Variants in KIAA1549 observed in about 807,000 individuals in gnomAD.
The protein encoded by KIAA1549 is KIAA1549, also known as UPF0606 protein KIAA1549.
A neutral mutation model predicts 156.4 loss-of-function variants in KIAA1549; 70 were observed. The ratio of observed to expected loss-of-function variants is 0.45; its 90% CI spans 0.37 to 0.55. The LOEUF is 0.55. Among genes scored for constraint, KIAA1549 ranks in the 20% least tolerant of loss-of-function variants. The probability of loss-of-function intolerance (pLI) is 0.00; values close to 1 mark genes in which losing one functional copy is unlikely to be tolerated. For synonymous variants in KIAA1549, 1,103 were observed against 1,066.4 expected, an observed-to-expected ratio of 1.03 and a Z score of -0.67; for missense variants, 2,428 against 2,540.9, an observed-to-expected ratio of 0.96 and a Z score of 0.96.
chr7:138,843,411 T>G (rs1809979092), intron 18 of KIAA1549, among the ~76,000 whole-genome samples: 1 of 152,218 alleles, frequency 6.6e-6, no homozygotes, highest in South Asian at 2.1e-4. Context: ...TACTTCTTGA[T>G]CGTGAGGTGC....
At chr7:138,935,346 T>A (rs572200982) in intron 1 of KIAA1549, among the ~76,000 whole-genome samples, 14 of 152,312 alleles carry the variant, frequency 9.2e-5, no homozygotes, top group Admixed American at 5.2e-4. Flanking sequence ...CCAAAAGATA[T>A]TCTGTTTTGC....
At chr7:138,901,164 C>CA (rs936556219) in intron 8 of KIAA1549, among the ~76,000 whole-genome samples, 1 of 151,914 alleles carries the variant, frequency 6.6e-6, no homozygotes, top group Admixed American at 6.6e-5. Flanking sequence ...AAAACACATG[C>CA]AAAAAATATA....
intron 8 of KIAA1549, among the ~76,000 whole-genome samples, chr7:138,900,766 C>T (rs1169610344): frequency 2.6e-5 from 4 of 152,238 alleles, no homozygotes; most frequent in Admixed American, 2.0e-4. Context: ...CCCTCTCTCT[C>T]GCTTCCTCTC....
chr7:138,916,716 C>A, intron 2 of KIAA1549, 32 bp downstream of exon 2: 1 of 1,609,834 alleles, frequency 6.2e-7, no homozygotes. Context: ...AGATTGCCCA[C>A]CCCAGAGAGG....
At chr7:138,964,331 C>T (rs1813949497) in intron 1 of KIAA1549, among the ~76,000 whole-genome samples, 1 of 152,186 alleles carries the variant, frequency 6.6e-6, no homozygotes, top group South Asian at 2.1e-4. Flanking sequence ...CAGAGGAGAC[C>T]GTGGCTGGGG....
At chr7:138,906,703 G>A (rs1812014354) in intron 6 of KIAA1549, among the ~76,000 whole-genome samples, 1 of 152,078 alleles carries the variant, frequency 6.6e-6, no homozygotes, top group Non-Finnish European at 1.5e-5. Flanking sequence ...GTGGAGCAGT[G>A]TATACTGCTC....
intron 15 of KIAA1549, among the ~76,000 whole-genome samples, chr7:138,864,665 G>C (rs1306911265): frequency 2.0e-5 from 3 of 152,144 alleles, no homozygotes; most frequent in Non-Finnish European, 2.9e-5. Flanking sequence ...TGTGGGTGTT[G>C]CAAGAGGGTG....
Position 138,981,382 on chromosome 7 carries a change from C to A in KIAA1549, c.-113G>T, listed in dbSNP as rs1298986164. 2 of 309,978 alleles carry A rather than the reference C, an allele frequency of 6.5e-6. No individual in the cohort carries two copies. Among genetic ancestry groups the A allele is most frequent in the East Asian group, 3.5e-4 (2 of 5,696 alleles). The allele number at this position is 309,978 out of a possible 1,614,324, so 19.2% of individuals were successfully genotyped here. On this transcript the variant is annotated 5_prime_UTR_variant, in exon 1 of 20. Coordinates refer to ENST00000422774, the MANE Select transcript of KIAA1549 (RefSeq NM_001164665.2). This position sits in a 1 kb window ranked among gnomAD's most constrained non-coding sequence, Gnocchi z 4.5. ...CGCCGCGCACCGGCGCGGAGGGAGG[C>A]CGGAGAGGCGGGGGCGGGCCGGGCC...
At chr7:138,862,538 C>T (rs1810617351) in intron 15 of KIAA1549, among the ~76,000 whole-genome samples, 2 of 151,338 alleles carry the variant, frequency 1.3e-5, no homozygotes, top group Non-Finnish European at 2.9e-5. Flanking sequence ...AAAAAAAAGC[C>T]TACGTATGTG....
At chr7:138,866,449 T>C (rs1200947902) in intron 15 of KIAA1549, among the ~76,000 whole-genome samples, 1 of 152,202 alleles carries the variant, frequency 6.6e-6, no homozygotes, top group Non-Finnish European at 1.5e-5. Flanking sequence ...AGCGATCACA[T>C]CCATCGCAAA....
chr7:138,838,614 T>C (rs1294771078), intron 19 of KIAA1549, among the ~76,000 whole-genome samples: 6 of 152,208 alleles, frequency 3.9e-5, no homozygotes, highest in Admixed American at 2.6e-4. Flanking sequence ...ATTTGCCGCA[T>C]AGAGATTAAT....
chr7:138,919,094 T>C lies in KIAA1549; in HGVS notation c.532A>G (p.Ile178Val). The C allele has an allele frequency of 1.2e-6, 2 of 1,614,040 alleles. No homozygotes were observed. Among genetic ancestry groups the C allele is most frequent in the East Asian group, 2.2e-5 (1 of 44,886 alleles). Reference protein sequence around the residue: ...TPRMVSPIQYITVSPPGLPRE... With the variant: ...TPRMVSPIQYVTVSPPGLPRE... Reference sequence around the variant, plus strand: ...GGCAGCCCTGGTGGGCTGACTGTGATATACTGTATTGGAGAAACCATCCGT... The same window carrying C: ...GGCAGCCCTGGTGGGCTGACTGTGACATACTGTATTGGAGAAACCATCCGT... Residue 178 changes from isoleucine to valine, a missense_variant, in exon 2 of 20, where the codon ATC becomes GTC. Coordinates refer to ENST00000422774, the MANE Select transcript of KIAA1549 (RefSeq NM_001164665.2).
chr7:138,846,771 A>G (rs2007056105), intron 17 of KIAA1549, among the ~76,000 whole-genome samples: 1 of 152,202 alleles, frequency 6.6e-6, no homozygotes, highest in Admixed American at 6.5e-5. Context: ...GAAAAAAAAG[A>G]TAATAGTCTG....
intron 12 of KIAA1549, among the ~76,000 whole-genome samples, chr7:138,876,084 CTCA>C (rs1458484161): frequency 6.6e-6 from 1 of 152,086 alleles, no homozygotes. Flanking sequence ...TCACATTTAT[CTCA>C]TCTTCATTGT....
At chr7:138,885,987 C>G (rs1256956942) in intron 10 of KIAA1549, among the ~76,000 whole-genome samples, 1 of 152,094 alleles carries the variant, frequency 6.6e-6, no homozygotes, top group East Asian at 1.9e-4. Context: ...GGACACCCAG[C>G]TGATAACTGC....
intron 16 of KIAA1549, among the ~76,000 whole-genome samples, chr7:138,853,800 G>A (rs557227501): frequency 9.3e-4 from 141 of 152,272 alleles, no homozygotes; most frequent in Non-Finnish European, 1.9e-3. Flanking sequence ...GGAAATCTGA[G>A]ACTACATAGA....
At chr7:138,844,122 C>T (rs1810000207) in intron 18 of KIAA1549, among the ~76,000 whole-genome samples, 195 bp downstream of exon 18, 3 of 152,162 alleles carry the variant, frequency 2.0e-5, no homozygotes, top group South Asian at 4.1e-4. Context: ...GGTTCCAGAG[C>T]CAATCAGCAG....
intron 18 of KIAA1549, among the ~76,000 whole-genome samples, chr7:138,843,340 TC>T (rs1809977041): frequency 6.6e-6 from 1 of 152,206 alleles, no homozygotes; most frequent in African/African-American, 2.4e-5. Context: ...TTTTTCCTCC[TC>T]CCACTGATCT....
chr7:138,840,821 C>T (rs1584979474), intron 18 of KIAA1549, among the ~76,000 whole-genome samples: 1 of 152,274 alleles, frequency 6.6e-6, no homozygotes, highest in East Asian at 1.9e-4. Context: ...CCACAACAGC[C>T]CCAGTGGAAC....
Sources: gnomAD v4.1 joint callset for allele counts (sites outside exome capture counted in the v4.1 genomes callset) on GRCh38, gnomAD v4.1.1 for gene constraint, Gnocchi (gnomAD v3.1) non-coding constraint, MANE v1.5 for transcripts, NCBI Gene and HGNC (gene_info 2026-07-23, HGNC 2026-07-21) for gene names.